Variants in C10orf88 observed in about 807,000 individuals in gnomAD.
C10orf88 encodes ATPase PAAT.
A neutral mutation model predicts 34.2 loss-of-function variants in C10orf88; 29 were observed. That is an observed-to-expected ratio of 0.85 (90% confidence interval 0.63 to 1.16). The LOEUF is 1.16. C10orf88 is among the 50% of genes most tolerant of loss of function. The probability of loss-of-function intolerance (pLI) is 0.00; values close to 1 mark genes in which losing one functional copy is unlikely to be tolerated. For synonymous variants in C10orf88, 194 were observed against 197.4 expected (o/e 0.98, Z 0.15); for missense variants, 507 against 533.2 (o/e 0.95, Z 0.48).
At chr10:122,944,730 T>C (rs1206945680) in intron 4 of C10orf88, among the ~76,000 whole-genome samples, 1 of 152,004 alleles carries the variant, frequency 6.6e-6, no homozygotes, top group African/African-American at 2.4e-5. Context: ...CTGCCCTAAA[T>C]AAATTCTTAA....
chr10:122,937,817 A>G lies in C10orf88; in HGVS notation c.991T>C (p.Leu331=). ...SDNSNIPNSE[L]LPFLQNLCSQ... ...CATAAATTCTGGAGAAAAGGCAGCA[A>G]CTCGGAGTTGGGTATATTTGAGTTG... Residue 331 remains leucine, a synonymous_variant, in exon 5 of 6, where the codon TTG becomes CTG. Coordinates refer to ENST00000481909, the MANE Select transcript of C10orf88 (RefSeq NM_024942.4). 2 of 1,613,124 alleles carry G rather than the reference A, an allele frequency of 1.2e-6. No homozygotes were observed. Among genetic ancestry groups the G allele is most frequent in the African/African-American group, 1.3e-5 (1 of 74,950 alleles).
chr10:122,937,758 C>T lies in C10orf88; in HGVS notation c.1050G>A (p.Lys350=). The change falls in exon 5 of 6, where the codon AAG becomes AAA. Residue 350 remains lysine, a synonymous_variant. Transcript: ENST00000481909. ...SQVNHLHVGN[K]TECQENITKH... is the part of the protein sequence containing the mutation. ...TGGTGATGTTTTCCTGACACTCGGTCTTATTTCCCACATGGAGATGATTAA... is the reference window on the plus strand; with the variant it reads ...TGGTGATGTTTTCCTGACACTCGGTTTTATTTCCCACATGGAGATGATTAA... 1 of 1,612,824 alleles carries T rather than the reference C, an allele frequency of 6.2e-7. No individual in the cohort carries two copies. Among genetic ancestry groups the T allele is most frequent in the Non-Finnish European group, 8.5e-7 (1 of 1,179,222 alleles).
intron 3 of C10orf88, among the ~76,000 whole-genome samples, chr10:122,951,042 C>T: frequency 6.6e-6 from 1 of 152,096 alleles, no homozygotes; most frequent in East Asian, 1.9e-4. Context: ...CAAAATCTGC[C>T]CAAGACTAAT....
intron 4 of C10orf88, among the ~76,000 whole-genome samples, chr10:122,938,806 G>A (rs192286830): frequency 1.3e-5 from 2 of 152,074 alleles, no homozygotes; most frequent in Admixed American, 1.3e-4. Flanking sequence ...AATTCAACTG[G>A]TTATGCAGTA....
chr10:122,938,295 T>C lies in C10orf88; in HGVS notation c.649-136A>G, dbSNP rs1450241644. On this transcript the variant is annotated intron_variant, in intron 4 of 5. Coordinates refer to ENST00000481909, the MANE Select transcript of C10orf88 (RefSeq NM_024942.4). ...TCCTTATAAAGTAGGCCACTAATAC[T>C]ATCCCAATATTAAGCTGAGGAGACC... 3 of 736,500 alleles carry C rather than the reference T, an allele frequency of 4.1e-6. No homozygotes were observed. In the East Asian group the frequency reaches 8.2e-5, roughly 20 times the overall value. The allele number at this position is 736,500 out of a possible 1,614,324, so 45.6% of individuals were successfully genotyped here. A position where few individuals can be genotyped will look rare whatever the true frequency, so the allele number is the denominator to read the frequency against.
chr10:122,943,896 G>A (rs1250277362), intron 4 of C10orf88, among the ~76,000 whole-genome samples: 1 of 152,164 alleles, frequency 6.6e-6, no homozygotes, highest in Non-Finnish European at 1.5e-5. Flanking sequence ...AGAGAATGTG[G>A]AGAAATAGGA....
intron 4 of C10orf88, among the ~76,000 whole-genome samples, chr10:122,939,213 A>G (rs1848562280): frequency 6.6e-6 from 1 of 151,970 alleles, no homozygotes. Flanking sequence ...AACAAAATAA[A>G]TTAAAATCCC....
intron 4 of C10orf88, among the ~76,000 whole-genome samples, chr10:122,940,365 C>G (rs1848571136): frequency 6.6e-6 from 1 of 151,786 alleles, no homozygotes; most frequent in Non-Finnish European, 1.5e-5. Context: ...AATAGTTAAA[C>G]TCAGAAACAG....
chr10:122,932,338 A>G lies in C10orf88; in HGVS notation c.*89T>C, dbSNP rs1394302419. On this transcript the variant is annotated 3_prime_UTR_variant, in exon 6 of 6. Coordinates refer to ENST00000481909, the MANE Select transcript of C10orf88 (RefSeq NM_024942.4). ...AGACAATGATCCCTCAAAGGACATTAAATACTTGCTTTTTATAAATATTTT... is the reference window on the plus strand; with the variant it reads ...AGACAATGATCCCTCAAAGGACATTGAATACTTGCTTTTTATAAATATTTT... 3 of 1,128,166 alleles carry G rather than the reference A, an allele frequency of 2.7e-6. No individual in the cohort carries two copies. The highest frequency in any genetic ancestry group is 2.6e-5 in the East Asian group (1 of 39,148). 69.9% of individuals were successfully genotyped at this position (1,128,166 alleles called of 1,614,324 possible). A position where few individuals can be genotyped will look rare whatever the true frequency, so the allele number is the denominator to read the frequency against.
At chr10:122,950,811 C>T (rs1374775270) in intron 3 of C10orf88, among the ~76,000 whole-genome samples, 1 of 152,156 alleles carries the variant, frequency 6.6e-6, no homozygotes, top group Non-Finnish European at 1.5e-5. Context: ...TTACTTTATT[C>T]AAATGGTTTT....
In C10orf88 at chr10:122,943,902, T is replaced by C. The variant is rs998787026; in HGVS notation, c.648+4747A>G. Among the ~76,000 whole-genome samples, 215 of 152,142 alleles carry C rather than the reference T, an allele frequency of 1.4e-3. 3 individuals carry two copies. The highest frequency in any genetic ancestry group is 4.4e-3 in the African/African-American group (184 of 41,512). On this transcript the variant is annotated intron_variant, in intron 4 of 5. Coordinates refer to ENST00000481909, the MANE Select transcript of C10orf88 (RefSeq NM_024942.4). ...AGGTGCTGGAGAGAATGTGGAGAAA[T>C]AGGAACACTTTTACACTGTTGGTGG...
intron 5 of C10orf88, among the ~76,000 whole-genome samples, chr10:122,933,976 A>G (rs1168552853): frequency 6.6e-6 from 1 of 152,198 alleles, no homozygotes; most frequent in African/African-American, 2.4e-5. Flanking sequence ...TGTAGCCTAC[A>G]TAAGTTTATT....
At chr10:122,950,059 A>G (rs960195530) in intron 3 of C10orf88, among the ~76,000 whole-genome samples, 7 of 152,214 alleles carry the variant, frequency 4.6e-5, no homozygotes, top group African/African-American at 1.7e-4. Flanking sequence ...GAGACATTTC[A>G]TGTATGGTAC....
intron 3 of C10orf88, 48 bp downstream of exon 3, chr10:122,951,906 G>A (rs774104116): frequency 1.1e-5 from 13 of 1,167,834 alleles, no homozygotes; most frequent in Middle Eastern, 2.0e-4. Context: ...CATACACAGA[G>A]TACAAAAACA....
At chr10:122,934,671 T>C (rs1848517791) in intron 5 of C10orf88, among the ~76,000 whole-genome samples, 1 of 152,182 alleles carries the variant, frequency 6.6e-6, no homozygotes, top group Non-Finnish European at 1.5e-5. Flanking sequence ...TTCTCTGGGA[T>C]GTCCAGGAGT....
At chr10:122,944,319 G>A (rs1359329999) in intron 4 of C10orf88, among the ~76,000 whole-genome samples, 1 of 141,016 alleles carries the variant, frequency 7.1e-6, no homozygotes, top group African/African-American at 2.7e-5. Flanking sequence ...GGTGGGAATT[G>A]AACAATGAGA....
chr10:122,940,211 C>A (rs1848570318), intron 4 of C10orf88, among the ~76,000 whole-genome samples: 1 of 151,914 alleles, frequency 6.6e-6, no homozygotes, highest in African/African-American at 2.4e-5. Flanking sequence ...GAATGAATAT[C>A]ATACAATGAA....
rs951575844 is a variant in C10orf88 at position 122,930,970 on chromosome 10, T to C, written c.*1457A>G. ...GAGAAGCAGGAGTATGGCTCACAAA[T>C]CAACTTTTCAACTAATGAGGAGTGA... is the stretch of plus-strand genomic sequence containing the variant. On this transcript the variant is annotated 3_prime_UTR_variant, in exon 6 of 6. Transcript: ENST00000481909. The C allele has an allele frequency of 6.6e-6, 1 of 152,132 alleles. No individual in the cohort carries two copies. The highest frequency in any genetic ancestry group is 6.6e-5 in the Admixed American group (1 of 15,266). 9.4% of individuals were successfully genotyped at this position (152,132 alleles called of 1,614,324 possible).
At chr10:122,945,708 T>C (rs537516046) in intron 4 of C10orf88, among the ~76,000 whole-genome samples, 8 of 152,294 alleles carry the variant, frequency 5.3e-5, no homozygotes, top group African/African-American at 1.9e-4. Context: ...AAACCAAATA[T>C]ATTTGTACAG....
Sources: gnomAD v4.1 joint callset for allele counts (sites outside exome capture counted in the v4.1 genomes callset) on GRCh38, gnomAD v4.1.1 for gene constraint, MANE v1.5 for transcripts, NCBI Gene and HGNC (gene_info 2026-07-23, HGNC 2026-07-21) for gene names.